PRKCA: variants seen among roughly 807,000 people sequenced by gnomAD.
PRKCA encodes the protein protein kinase C alpha.
A neutral mutation model predicts 87.0 loss-of-function variants in PRKCA; 27 were observed. The ratio of observed to expected loss-of-function variants is 0.31; its 90% CI spans 0.23 to 0.43. PRKCA has a LOEUF of 0.43. PRKCA is among the 20% of genes least tolerant of loss of function. PRKCA has a pLI of 1.00. For synonymous variants in PRKCA, 329 were observed against 311.1 expected (o/e 1.06, Z -0.61); for missense variants, 518 against 852.3 (o/e 0.61, Z 4.88).
intron 5 of PRKCA, among the ~76,000 whole-genome samples, chr17:66,662,976 G>A (rs16959901): frequency 0.051 from 7,828 of 152,200 alleles, 684 homozygotes; most frequent in African/African-American, 0.18. Flanking sequence ...GAAAGTCGTC[G>A]ATTCTGCAGG....
chr17:66,498,136 CCCCGCCT>C (rs1294039734), intron 3 of PRKCA, among the ~76,000 whole-genome samples: 1 of 150,060 alleles, frequency 6.7e-6, no homozygotes, highest in Non-Finnish European at 1.5e-5. Context: ...CCCCCCTGCT[CCCCGCCT>C]CCTGCCCCCT....
intron 8 of PRKCA, among the ~76,000 whole-genome samples, chr17:66,715,629 A>G (rs1466158560): frequency 6.6e-6 from 1 of 152,128 alleles, no homozygotes; most frequent in African/African-American, 2.4e-5. Flanking sequence ...CTTAAAACCC[A>G]CTTTTGGCAT....
chr17:66,497,302 A>T (rs1332714980), intron 3 of PRKCA, among the ~76,000 whole-genome samples: 3 of 152,180 alleles, frequency 2.0e-5, no homozygotes, highest in Non-Finnish European at 4.4e-5. Context: ...GTTCAAGACC[A>T]GCCTGACCAA....
At chr17:66,500,645 C>A (rs1916686410) in intron 3 of PRKCA, among the ~76,000 whole-genome samples, 2 of 152,086 alleles carry the variant, frequency 1.3e-5, no homozygotes, top group South Asian at 4.1e-4. Flanking sequence ...AGGCAATTGG[C>A]CATGAAGAGA....
intron 2 of PRKCA, among the ~76,000 whole-genome samples, chr17:66,435,119 G>A (rs1913306583): frequency 6.6e-6 from 1 of 152,194 alleles, no homozygotes; most frequent in Non-Finnish European, 1.5e-5. Context: ...TTACCATGGG[G>A]TCTAATGTGC....
At chr17:66,785,337 C>T (rs1022709497) in intron 14 of PRKCA, among the ~76,000 whole-genome samples, 1 of 152,218 alleles carries the variant, frequency 6.6e-6, no homozygotes, top group African/African-American at 2.4e-5. Flanking sequence ...CTTCTGACTA[C>T]TGCGAAGTTA....
chr17:66,602,929 C>T (rs944235166), intron 3 of PRKCA, among the ~76,000 whole-genome samples: 2 of 152,094 alleles, frequency 1.3e-5, no homozygotes, highest in African/African-American at 2.4e-5. Context: ...GTCTGTGAGG[C>T]GGGAAGCCCA....
intron 8 of PRKCA, among the ~76,000 whole-genome samples, chr17:66,705,129 A>G (rs1378422358): frequency 1.3e-5 from 2 of 152,208 alleles, no homozygotes; most frequent in Non-Finnish European, 2.9e-5. Context: ...TTGTCCCTAA[A>G]TAGCTTACTT....
chr17:66,771,336 G>T (rs1175149323), intron 13 of PRKCA, among the ~76,000 whole-genome samples: 1 of 152,168 alleles, frequency 6.6e-6, no homozygotes, highest in Non-Finnish European at 1.5e-5. Context: ...TTACTTTTGA[G>T]TTAGAAGCAT....
chr17:66,700,191 G>A (rs770433007), intron 8 of PRKCA, among the ~76,000 whole-genome samples: 9 of 152,136 alleles, frequency 5.9e-5, no homozygotes, highest in Non-Finnish European at 1.0e-4. Context: ...TTAACAGAAC[G>A]AAGGATAAAA....
chr17:66,458,399 T>C (rs896403369), intron 2 of PRKCA, among the ~76,000 whole-genome samples: 9 of 152,224 alleles, frequency 5.9e-5, no homozygotes, highest in Admixed American at 6.5e-5. Flanking sequence ...CACAGGGGTC[T>C]TAAGACCCCC....
intron 10 of PRKCA, among the ~76,000 whole-genome samples, chr17:66,736,395 A>C (rs975386339): frequency 5.9e-5 from 9 of 151,786 alleles, no homozygotes; most frequent in Admixed American, 4.6e-4. Flanking sequence ...CTCCTGCCTC[A>C]GCCTCTCGAG....
At chr17:66,596,849 C>G (rs1296561049) in intron 3 of PRKCA, among the ~76,000 whole-genome samples, 5 of 34,404 alleles carry the variant, frequency 1.5e-4, no homozygotes, top group Non-Finnish European at 2.7e-4. Flanking sequence ...TTTGTTCTTG[C>G]GATAGTTTAC....
chr17:66,681,476 G>C (rs999712020), intron 5 of PRKCA, among the ~76,000 whole-genome samples: 7 of 152,140 alleles, frequency 4.6e-5, no homozygotes, highest in Non-Finnish European at 1.0e-4. Flanking sequence ...CGGCGAAGAT[G>C]ATAAAGATAG....
intron 5 of PRKCA, among the ~76,000 whole-genome samples, chr17:66,661,791 G>A (rs1392699221): frequency 3.3e-5 from 5 of 152,202 alleles, no homozygotes; most frequent in African/African-American, 1.2e-4. Flanking sequence ...TGGGCTCACG[G>A]GGAGATTGTG....
chr17:66,677,094 T>TATTTATTTATTGATTGATTG (rs1251679534), intron 5 of PRKCA: 2 of 152,018 alleles, frequency 1.3e-5, no homozygotes, highest in East Asian at 1.9e-4. Flanking sequence ...TTTATTTATT[T>TATTTATTTATTGATTGATTG]ATTGAGACTG....
At chr17:66,539,327 C>G (rs1300480946) in intron 3 of PRKCA, among the ~76,000 whole-genome samples, 2 of 152,020 alleles carry the variant, frequency 1.3e-5, no homozygotes, top group African/African-American at 4.8e-5. Flanking sequence ...CAATACTTTT[C>G]TAATTTGTGA....
At chr17:66,486,588 G>T (rs1019977319) in intron 2 of PRKCA, among the ~76,000 whole-genome samples, 1 of 151,884 alleles carries the variant, frequency 6.6e-6, no homozygotes, top group South Asian at 2.1e-4. Context: ...AGACAGCCTC[G>T]TCCTTTCTAC....
chr17:66,328,992 T>A (rs142394501), intron 2 of PRKCA, among the ~76,000 whole-genome samples: 2 of 152,296 alleles, frequency 1.3e-5, no homozygotes, highest in East Asian at 3.9e-4. Flanking sequence ...AGCAAGGAGG[T>A]GGCCTGATTA....
Sources: allele counts gnomAD v4.1 joint callset (sites outside exome capture counted in the v4.1 genomes callset), GRCh38; gene constraint gnomAD v4.1.1; transcripts MANE v1.5; gene names NCBI Gene and HGNC (gene_info 2026-07-23, HGNC 2026-07-21).